Variants in HPCAL1 observed in about 807,000 individuals in gnomAD.
The protein encoded by HPCAL1 is hippocalcin-like protein 1.
In HPCAL1, 8 loss-of-function variants were observed where a neutral mutation model predicts 17.1. That is an observed-to-expected ratio of 0.47 (90% CI 0.27 to 0.84). The LOEUF is 0.84. Ranked by LOEUF, HPCAL1 falls within the 40% of genes least tolerant of loss-of-function variation. The pLI is 0.13. For missense variants in HPCAL1, 165 were observed against 271.1 expected, an observed-to-expected ratio of 0.61 and a Z score of 2.75; for synonymous variants, 112 against 111.4, an observed-to-expected ratio of 1.01 and a Z score of -0.03.
chr2:10,353,346 G>A (rs575127352), intron 1 of HPCAL1, among the ~76,000 whole-genome samples: 7 of 152,276 alleles, frequency 4.6e-5, no homozygotes, highest in Non-Finnish European at 8.8e-5. Flanking sequence ...AGGAAAGCCC[G>A]TCCTCTAAAA....
At chr2:10,403,327 T>C (rs1669746840) in intron 2 of HPCAL1, among the ~76,000 whole-genome samples, 1 of 126,506 alleles carries the variant, frequency 7.9e-6, no homozygotes, top group African/African-American at 2.6e-5. Context: ...GGCCACACTG[T>C]CCAAACACAT....
intron 1 of HPCAL1, among the ~76,000 whole-genome samples, chr2:10,368,107 C>T (rs578018839): frequency 1.5e-4 from 23 of 150,926 alleles, no homozygotes; most frequent in South Asian, 6.3e-4. Context: ...TGTGCATATG[C>T]GCATACACAT....
Position 10,363,961 on chromosome 2 carries a change from G to A in HPCAL1, c.-110-32874G>A, listed in dbSNP as rs916851967. ...TCAGGGAGGCCTGATGATTCGGGGCGCTTGGCCGGGTGGTGGGGTGGGACA... is the reference window on the plus strand; with the variant it reads ...TCAGGGAGGCCTGATGATTCGGGGCACTTGGCCGGGTGGTGGGGTGGGACA... On this transcript the variant is annotated intron_variant, in intron 1 of 4. Transcript: ENST00000307845. The surrounding 1 kb of genome is among the most constrained non-coding windows in gnomAD (Gnocchi z 4.7). Among the ~76,000 whole-genome samples the A allele has an allele frequency of 6.6e-6, 1 of 152,244 alleles. No homozygotes were observed. The highest frequency in any genetic ancestry group is 1.5e-5 in the Non-Finnish European group (1 of 68,042).
chr2:10,399,851 C>T (rs1381872311), intron 2 of HPCAL1, among the ~76,000 whole-genome samples: 1 of 152,176 alleles, frequency 6.6e-6, no homozygotes, highest in African/African-American at 2.4e-5. Flanking sequence ...TGCGTTCCTT[C>T]CCTTGAGGTG....
Position 10,401,226 on chromosome 2 carries a change from C to T in HPCAL1, c.-25+4306C>T, listed in dbSNP as rs549314073. Reference sequence around the variant, plus strand: ...GGAGTCCACAGTGATCTTTGCTCCCCTTCCCCAGGCATCCAGCACCACACC... The same window carrying T: ...GGAGTCCACAGTGATCTTTGCTCCCTTTCCCCAGGCATCCAGCACCACACC... On this transcript the variant is annotated intron_variant, in intron 2 of 4. Transcript: ENST00000307845. 2.6e-4 allele frequency among the ~76,000 whole-genome samples: 39 copies of T among 152,312 alleles called. No individual in the cohort carries two copies. In the Middle Eastern group the frequency reaches 0.014, roughly 53 times the overall value.
intron 2 of HPCAL1, among the ~76,000 whole-genome samples, chr2:10,418,839 T>C (rs1670849612): frequency 6.6e-6 from 1 of 152,120 alleles, no homozygotes; most frequent in Non-Finnish European, 1.5e-5. Context: ...TTTCCCTGGT[T>C]CCATTCAGAA....
Position 10,310,678 on chromosome 2 carries a change from G to A in HPCAL1, c.-111+7501G>A, listed in dbSNP as rs1429469334. 6.6e-6 allele frequency among the ~76,000 whole-genome samples: 1 copy of A among 152,196 alleles called. No individual in the cohort carries two copies. Among genetic ancestry groups the A allele is most frequent in the African/African-American group, 2.4e-5 (1 of 41,462 alleles). Reference sequence around the variant, plus strand: ...TTCCTCAGGCATAACGAGGCCCGGAGCTGGTGGTCCCCTCCCTCTGTGAGT... The same window carrying A: ...TTCCTCAGGCATAACGAGGCCCGGAACTGGTGGTCCCCTCCCTCTGTGAGT... On this transcript the variant is annotated intron_variant, in intron 1 of 4. Transcript: ENST00000307845. The surrounding 1 kb of genome is among the most constrained non-coding windows in gnomAD (Gnocchi z 4.5).
rs1663808955 is a variant in HPCAL1 at position 10,323,588 on chromosome 2, C to T, written c.-111+20411C>T. Among the ~76,000 whole-genome samples, 1 of 152,240 alleles carries T rather than the reference C, an allele frequency of 6.6e-6. No individual in the cohort carries two copies. The highest frequency in any genetic ancestry group is 2.4e-5 in the African/African-American group (1 of 41,460). On this transcript the variant is annotated intron_variant, in intron 1 of 4. Coordinates refer to ENST00000307845, the MANE Select transcript of HPCAL1 (RefSeq NM_002149.4). This position sits in a 1 kb window ranked among gnomAD's most constrained non-coding sequence, Gnocchi z 4.6. ...CTTTACCCTGGAGCTGGCCCCATCT[C>T]TCACAGCCCAGTGGTGTACTACCTT...
intron 1 of HPCAL1, among the ~76,000 whole-genome samples, chr2:10,328,632 G>A (rs928199090): frequency 2.6e-5 from 4 of 152,190 alleles, no homozygotes; most frequent in African/African-American, 7.2e-5. Context: ...AGGCCTCTGG[G>A]CTTGAGCTGG....
chr2:10,365,047 C>T lies in HPCAL1; in HGVS notation c.-110-31788C>T, dbSNP rs1177514094. On this transcript the variant is annotated intron_variant, in intron 1 of 4. Transcript: ENST00000307845. This position sits in a 1 kb window ranked among gnomAD's most constrained non-coding sequence, Gnocchi z 4.8. ...GTGTGTGTGTCCTGATGCCTTTGGC[C>T]ACCAGCCTCAAAATCTCCCAGAGTT... 6.6e-6 allele frequency among the ~76,000 whole-genome samples: 1 copy of T among 152,194 alleles called. No individual in the cohort carries two copies. Among genetic ancestry groups the T allele is most frequent in the African/African-American group, 2.4e-5 (1 of 41,450 alleles).
intron 1 of HPCAL1, among the ~76,000 whole-genome samples, chr2:10,318,305 G>A (rs556688940): frequency 7.3e-4 from 49 of 67,384 alleles, no homozygotes; most frequent in African/African-American, 2.4e-3. Flanking sequence ...CTCCACCCCC[G>A]CCCCAGACTC....
At chr2:10,325,575 C>T (rs1445006031) in intron 1 of HPCAL1, among the ~76,000 whole-genome samples, 1 of 152,204 alleles carries the variant, frequency 6.6e-6, no homozygotes, top group Non-Finnish European at 1.5e-5. Context: ...CAGCAACCTT[C>T]CTCGCCAGCA....
At chr2:10,305,824 T>C (rs184893182) in intron 1 of HPCAL1, among the ~76,000 whole-genome samples, 17 of 152,352 alleles carry the variant, frequency 1.1e-4, no homozygotes, top group African/African-American at 4.1e-4. Context: ...GGACAAGGAC[T>C]GGACTTCGCT....
rs1157921534 is a variant in HPCAL1, at chr2:10,344,957, A to G, written c.-111+41780A>G. 3.5e-5 allele frequency among the ~76,000 whole-genome samples: 3 copies of G among 86,486 alleles called. No homozygotes were observed. Among genetic ancestry groups the G allele is most frequent in the Non-Finnish European group, 7.4e-5 (3 of 40,662 alleles). 56.7% of individuals were successfully genotyped at this position (86,486 alleles called of 152,430 possible). ...TTTCAGTCTCTTTCTGCCTCTCTCTATGTGTCCATCTCTCTCTCTTTTTCT... is the reference window on the plus strand; with the variant it reads ...TTTCAGTCTCTTTCTGCCTCTCTCTGTGTGTCCATCTCTCTCTCTTTTTCT... On this transcript the variant is annotated intron_variant, in intron 1 of 4. Transcript: ENST00000307845. The surrounding 1 kb of genome is among the most constrained non-coding windows in gnomAD (Gnocchi z 4.9).
In HPCAL1 at chr2:10,361,657, G is replaced by A. The variant is rs144886341; in HGVS notation, c.-110-35178G>A. Among the ~76,000 whole-genome samples the A allele has an allele frequency of 2.8e-4, 43 of 151,876 alleles. No individual in the cohort carries two copies. In the East Asian group the frequency reaches 7.2e-3, roughly 25 times the overall value. On this transcript the variant is annotated intron_variant, in intron 1 of 4. Coordinates refer to ENST00000307845, the MANE Select transcript of HPCAL1 (RefSeq NM_002149.4). ...ATCTTTTGATAATCACATAAATAACGTTTCCATAGTTCTCGAAAGCTTGCC... is the reference window on the plus strand; with the variant it reads ...ATCTTTTGATAATCACATAAATAACATTTCCATAGTTCTCGAAAGCTTGCC...
chr2:10,410,512 T>C (rs1056704554), intron 2 of HPCAL1, among the ~76,000 whole-genome samples: 5 of 132,228 alleles, frequency 3.8e-5, no homozygotes, highest in African/African-American at 1.4e-4. Context: ...ACCACAGAGG[T>C]GGCTGTAAGT....
At chr2:10,370,865 G>A (rs993466059) in intron 1 of HPCAL1, among the ~76,000 whole-genome samples, 41 of 152,318 alleles carry the variant, frequency 2.7e-4, no homozygotes, top group African/African-American at 9.4e-4. Flanking sequence ...CTTCATCCCC[G>A]TGGGGCTCAG....
chr2:10,401,660 T>C (rs1669623207), intron 2 of HPCAL1, among the ~76,000 whole-genome samples: 1 of 152,198 alleles, frequency 6.6e-6, no homozygotes, highest in Non-Finnish European at 1.5e-5. Flanking sequence ...AAACAATTAC[T>C]GTGTGCTTCC....
At chr2:10,382,495 C>T (rs1195341452) in intron 1 of HPCAL1, among the ~76,000 whole-genome samples, 1 of 151,582 alleles carries the variant, frequency 6.6e-6, no homozygotes, top group Admixed American at 6.6e-5. Context: ...AAACAGCCAC[C>T]CTGGTAGTAG....
Sources: allele counts gnomAD v4.1 joint callset (sites outside exome capture counted in the v4.1 genomes callset), GRCh38; gene constraint gnomAD v4.1.1; non-coding constraint Gnocchi (gnomAD v3.1); transcripts MANE v1.5; gene names NCBI Gene and HGNC (gene_info 2026-07-23, HGNC 2026-07-21).